Variants in SUSD1 observed in about 807,000 individuals in gnomAD.
SUSD1 encodes the protein sushi domain-containing protein 1.
SUSD1 carries 65 observed loss-of-function variants against 86.9 expected under a neutral mutation model. The ratio of observed to expected loss-of-function variants is 0.75; its 90% CI spans 0.61 to 0.92. SUSD1 has a LOEUF of 0.92. Among genes scored for constraint, SUSD1 ranks in the 40% least tolerant of loss-of-function variants. The pLI is 0.00. For missense variants in SUSD1, 850 were observed against 929.7 expected (o/e 0.91, Z 1.11); for synonymous variants, 346 against 350.0 (o/e 0.99, Z 0.13).
chr9:112,101,884 C>G (rs371807815), intron 9 of SUSD1, among the ~76,000 whole-genome samples: 146 of 152,162 alleles, frequency 9.6e-4, no homozygotes, highest in African/African-American at 3.4e-3. Context: ...AATTCCATGC[C>G]CAAATGTGAA....
chr9:112,126,576 T>C (rs1831783698), intron 5 of SUSD1, among the ~76,000 whole-genome samples: 1 of 152,074 alleles, frequency 6.6e-6, no homozygotes, highest in Non-Finnish European at 1.5e-5. Context: ...GCTCTGTGAG[T>C]TCCCCGTTAA....
chr9:112,164,906 T>C (rs1463285845), intron 1 of SUSD1, among the ~76,000 whole-genome samples: 9 of 152,096 alleles, frequency 5.9e-5, no homozygotes, highest in Non-Finnish European at 1.3e-4. Flanking sequence ...ATTGCACCAC[T>C]GGCACTCCAG....
intron 10 of SUSD1, among the ~76,000 whole-genome samples, chr9:112,084,349 T>A (rs995827818): frequency 2.6e-5 from 4 of 152,162 alleles, no homozygotes; most frequent in African/African-American, 9.7e-5. Flanking sequence ...TGAATTGGTA[T>A]GGAAGTATGT....
At chr9:112,088,151 T>C (rs1389677158) in intron 10 of SUSD1, among the ~76,000 whole-genome samples, 2 of 152,226 alleles carry the variant, frequency 1.3e-5, no homozygotes, top group Non-Finnish European at 2.9e-5. Flanking sequence ...ATATCAAGGC[T>C]ATACAGATAC....
chr9:112,143,683 G>A, intron 3 of SUSD1, 60 bp from the exon 4 acceptor site: 1 of 1,511,908 alleles, frequency 6.6e-7, no homozygotes, highest in Non-Finnish European at 8.9e-7. Flanking sequence ...AAAAAAAAAG[G>A]AGAGGATATT....
intron 1 of SUSD1, among the ~76,000 whole-genome samples, chr9:112,165,883 GAAA>G (rs752856377): frequency 8.8e-6 from 1 of 114,146 alleles, no homozygotes; most frequent in Non-Finnish European, 1.8e-5. Context: ...GAAAGAGAAA[GAAA>G]AAGAAAGAAA....
In SUSD1 at chr9:112,098,578, C is replaced by A; in HGVS notation, c.1366G>T (p.Val456Leu). 1 of 1,614,220 alleles carries A rather than the reference C, an allele frequency of 6.2e-7. No individual in the cohort carries two copies. Among genetic ancestry groups the A allele is most frequent in the Non-Finnish European group, 8.5e-7 (1 of 1,180,042 alleles). The change falls in exon 10 of 17, where the codon GTA becomes TTA. Residue 456 changes from valine to leucine, a missense_variant. Val to Leu is a conservative substitution (Grantham distance 32). Coordinates refer to ENST00000374270, the MANE Select transcript of SUSD1 (RefSeq NM_022486.5). Reference protein sequence around the residue: ...FNFTTREQVPVVCLDLYPTTD... With the variant: ...FNFTTREQVPLVCLDLYPTTD... ...GTAGGGTACAGATCCAAACACACTA[C>A]AGGCACTTGTTCCCTCGTTGTGAAG...
At position 112,170,710 on chromosome 9, in the gene SUSD1, T is replaced by TATATAGAGAGAGAGAGAG. The variant is rs758442726; in HGVS notation, c.103+4422_103+4423insCTCTCTCTCTCTCTATAT. 7.0e-5 allele frequency among the ~76,000 whole-genome samples: 8 copies of TATATAGAGAGAGAGAGAG among 113,822 alleles called. No homozygotes were observed. The East Asian group carries it at 7.3e-4, about 10-fold the overall frequency. 74.7% of individuals were successfully genotyped at this position (113,822 alleles called of 152,430 possible). ...GCCAGATCATATATATATATATATATAGAGAGAGAGAGAGAGAGAGAGAGA... is the reference window on the plus strand; with the variant it reads ...GCCAGATCATATATATATATATATATATATAGAGAGAGAGAGAGAGAGAGAGAGAGAGAGAGAGAGAGA... On this transcript the variant is annotated intron_variant, in intron 1 of 16. Transcript: ENST00000374270.
At chr9:112,133,620 G>A (rs1363462388) in intron 5 of SUSD1, among the ~76,000 whole-genome samples, 1 of 152,178 alleles carries the variant, frequency 6.6e-6, no homozygotes, top group Non-Finnish European at 1.5e-5. Flanking sequence ...AATGCTGGAA[G>A]AAAAACTGCA....
chr9:112,147,853 T>TA (rs1233377980), intron 3 of SUSD1, among the ~76,000 whole-genome samples: 1 of 152,052 alleles, frequency 6.6e-6, no homozygotes, highest in Admixed American at 6.6e-5. Flanking sequence ...GCTTTTTTTT[T>TA]AGTGTCTTTT....
chr9:112,130,199 C>G (rs1482633898), intron 5 of SUSD1, among the ~76,000 whole-genome samples: 6 of 152,092 alleles, frequency 3.9e-5, no homozygotes, highest in Non-Finnish European at 5.9e-5. Flanking sequence ...ATGCTGAAAC[C>G]CTGTCTCTAC....
chr9:112,072,140 C>CTTTTTTTTTTTTT, intron 12 of SUSD1, among the ~76,000 whole-genome samples: 38 of 121,158 alleles, frequency 3.1e-4, no homozygotes, highest in Middle Eastern at 5.1e-3. Context: ...CTTTCTTTCT[C>CTTTTTTTTTTTTT]TTTTTTTTTT....
chr9:112,160,458 C>T (rs1564352489), intron 1 of SUSD1, among the ~76,000 whole-genome samples: 1 of 152,172 alleles, frequency 6.6e-6, no homozygotes, highest in South Asian at 2.1e-4. Context: ...GCAAGAGAAT[C>T]GCTTGAACCC....
rs1293672122 is a variant in SUSD1 at position 112,078,663 on chromosome 9, A to T, written c.1628T>A (p.Ile543Asn). Residue 543 changes from isoleucine to asparagine, a missense_variant, in exon 12 of 17, where the codon ATC (isoleucine) becomes AAC (asparagine). Physicochemically the swap from Ile to Asn is moderately radical, Grantham distance 149. Transcript: ENST00000374270. ...CTCGGGATCTCGGCTGCTGCTACTGATATTAAAGGTCATTTCCTGGGCAAA... is the reference window on the plus strand; with the variant it reads ...CTCGGGATCTCGGCTGCTGCTACTGTTATTAAAGGTCATTTCCTGGGCAAA... ...KEFAQEMTFNISSSSRDPEVC... is the reference protein window; with the variant it reads ...KEFAQEMTFNNSSSSRDPEVC... 6.2e-6 allele frequency: 10 copies of T among 1,613,968 alleles called. No individual in the cohort carries two copies. Among genetic ancestry groups the T allele is most frequent in the Non-Finnish European group, 8.5e-6 (10 of 1,179,938 alleles).
At chr9:112,056,840 C>T (rs951623665) in intron 14 of SUSD1, among the ~76,000 whole-genome samples, 1 of 152,056 alleles carries the variant, frequency 6.6e-6, no homozygotes, top group Non-Finnish European at 1.5e-5. Context: ...CCTCAGCCTC[C>T]CAAGTAGCTA....
At chr9:112,093,347 T>C (rs1564287657) in intron 10 of SUSD1, among the ~76,000 whole-genome samples, 1 of 152,214 alleles carries the variant, frequency 6.6e-6, no homozygotes, top group African/African-American at 2.4e-5. Flanking sequence ...GGGACCCGCC[T>C]GTGCACAGGT....
intron 10 of SUSD1, among the ~76,000 whole-genome samples, chr9:112,081,799 A>G (rs1829778944): frequency 6.6e-6 from 1 of 152,254 alleles, no homozygotes; most frequent in African/African-American, 2.4e-5. Flanking sequence ...CACTACGACC[A>G]AAGATTTATT....
At chr9:112,043,264 A>G (rs866560298) in intron 15 of SUSD1, among the ~76,000 whole-genome samples, 2 of 152,316 alleles carry the variant, frequency 1.3e-5, no homozygotes, top group Admixed American at 1.3e-4. Flanking sequence ...TAACATCACT[A>G]TTGTAAAACC....
chr9:112,131,103 T>TGGAG (rs1255995901), intron 5 of SUSD1, among the ~76,000 whole-genome samples: 1 of 152,160 alleles, frequency 6.6e-6, no homozygotes, highest in Non-Finnish European at 1.5e-5. Flanking sequence ...GATACAAAGA[T>TGGAG]GGAGGCCCTA....
Sources: gnomAD v4.1 joint callset for allele counts (sites outside exome capture counted in the v4.1 genomes callset) on GRCh38, gnomAD v4.1.1 for gene constraint, MANE v1.5 for transcripts, NCBI Gene and HGNC (gene_info 2026-07-23, HGNC 2026-07-21) for gene names.